VTI1A: variants seen among roughly 807,000 people sequenced by gnomAD.
VTI1A encodes the protein vesicle transport through interaction with t-SNAREs 1A, also known as vesicle transport through interaction with t-SNAREs homolog 1A.
In VTI1A, 22 loss-of-function variants were observed where a neutral mutation model predicts 34.9. That is an observed-to-expected ratio of 0.63 (90% CI 0.45 to 0.90). The LOEUF is 0.90. Among genes scored for constraint, VTI1A ranks in the 40% least tolerant of loss-of-function variants. The pLI, the probability that VTI1A is intolerant of heterozygous loss-of-function variation, is 0.00. For missense variants in VTI1A, 268 were observed against 275.6 expected (o/e 0.97, Z 0.20); for synonymous variants, 87 against 97.3 (o/e 0.89, Z 0.62).
At chr10:112,792,096 A>T (rs1228014222) in intron 7 of VTI1A, among the ~76,000 whole-genome samples, 3 of 152,150 alleles carry the variant, frequency 2.0e-5, no homozygotes, top group Non-Finnish European at 4.4e-5. Context: ...CAACATAGTG[A>T]AATCCCGTCT....
intron 3 of VTI1A, among the ~76,000 whole-genome samples, chr10:112,505,081 C>CAT (rs1849381156): frequency 6.6e-6 from 1 of 151,892 alleles, no homozygotes; most frequent in South Asian, 2.1e-4. Context: ...TTTGTTTAGT[C>CAT]AAACACTAAA....
At chr10:112,800,637 C>G (rs1852845574) in intron 7 of VTI1A, among the ~76,000 whole-genome samples, 1 of 152,076 alleles carries the variant, frequency 6.6e-6, no homozygotes, top group African/African-American at 2.4e-5. Context: ...CCCATTTTAC[C>G]AATAGAGGGA....
intron 7 of VTI1A, among the ~76,000 whole-genome samples, chr10:112,704,805 C>G (rs1849135679): frequency 6.6e-6 from 1 of 151,668 alleles, no homozygotes; most frequent in South Asian, 2.1e-4. Flanking sequence ...AAAAATGATG[C>G]TAGGTCCAGT....
At chr10:112,580,753 G>A (rs867296433) in intron 5 of VTI1A, among the ~76,000 whole-genome samples, 16 of 152,050 alleles carry the variant, frequency 1.1e-4, no homozygotes, top group African/African-American at 3.9e-4. Flanking sequence ...GGAAAAGGGG[G>A]GCATCAGGTG....
chr10:112,569,830 C>T (rs1489211709), intron 5 of VTI1A, among the ~76,000 whole-genome samples: 2 of 152,204 alleles, frequency 1.3e-5, no homozygotes, highest in African/African-American at 4.8e-5. Flanking sequence ...TAAGAAGTAA[C>T]TTCAGGTACT....
At chr10:112,539,919 G>T (rs1850798046) in intron 5 of VTI1A, among the ~76,000 whole-genome samples, 1 of 152,030 alleles carries the variant, frequency 6.6e-6, no homozygotes, top group Non-Finnish European at 1.5e-5. Context: ...AATAGTAAAG[G>T]AATAGAAAAC....
intron 7 of VTI1A, among the ~76,000 whole-genome samples, chr10:112,765,024 T>A (rs1468299335): frequency 6.6e-6 from 1 of 152,194 alleles, no homozygotes; most frequent in African/African-American, 2.4e-5. Context: ...ACAACAGCAA[T>A]GATCCCCATG....
At chr10:112,665,777 G>A (rs955033327) in intron 5 of VTI1A, among the ~76,000 whole-genome samples, 6 of 152,062 alleles carry the variant, frequency 3.9e-5, no homozygotes, top group Non-Finnish European at 7.4e-5. Flanking sequence ...AGAATAGGTC[G>A]CAAACTTTAT....
intron 7 of VTI1A, among the ~76,000 whole-genome samples, chr10:112,724,286 A>G (rs2133945545): frequency 6.6e-6 from 1 of 152,306 alleles, no homozygotes; most frequent in South Asian, 2.1e-4. Context: ...TGAAGAAAAG[A>G]TGTGTGTGGC....
At chr10:112,461,648 A>G (rs1847732658) in intron 2 of VTI1A, among the ~76,000 whole-genome samples, 1 of 152,218 alleles carries the variant, frequency 6.6e-6, no homozygotes, top group Admixed American at 6.5e-5. Context: ...TTGGGGTTTT[A>G]AAAGCTAACT....
intron 7 of VTI1A, among the ~76,000 whole-genome samples, chr10:112,729,817 A>G (rs1219260631): frequency 6.6e-6 from 1 of 152,182 alleles, no homozygotes; most frequent in East Asian, 1.9e-4. Flanking sequence ...ATCTACAAAG[A>G]CAGGGAAAAG....
In VTI1A at chr10:112,453,041, C is replaced by T. The variant is rs1847298820; in HGVS notation, c.94+5574C>T. On this transcript the variant is annotated intron_variant, in intron 1 of 7. Transcript: ENST00000393077. Reference sequence around the variant, plus strand: ...TTTAGTACTCATGGATTTTTAGGCCCCTCATGGCTATGACAGTTTCTCAAA... The same window carrying T: ...TTTAGTACTCATGGATTTTTAGGCCTCTCATGGCTATGACAGTTTCTCAAA... 2.0e-5 allele frequency among the ~76,000 whole-genome samples: 3 copies of T among 152,222 alleles called. No homozygotes were observed. In the East Asian group the frequency reaches 5.8e-4, roughly 29 times the overall value.
At chr10:112,733,926 A>G (rs892823500) in intron 7 of VTI1A, among the ~76,000 whole-genome samples, 5 of 151,686 alleles carry the variant, frequency 3.3e-5, no homozygotes, top group African/African-American at 1.2e-4. Flanking sequence ...CTAATTTTGT[A>G]TTTTTAGTAG....
intron 7 of VTI1A, among the ~76,000 whole-genome samples, chr10:112,780,266 G>T (rs189935725): frequency 7.0e-6 from 1 of 142,204 alleles, no homozygotes; most frequent in South Asian, 2.3e-4. Context: ...GCAAGACCCT[G>T]TCTCTAAAAA....
At chr10:112,828,229 T>G in the VTI1A span, among the ~76,000 whole-genome samples, 1 of 152,122 alleles carries the variant, frequency 6.6e-6, no homozygotes, top group Non-Finnish European at 1.5e-5. Flanking sequence ...TTTTTGTGTA[T>G]GTGCAGAGTC....
At chr10:112,571,139 T>A (rs1342149615) in intron 5 of VTI1A, among the ~76,000 whole-genome samples, 2 of 152,186 alleles carry the variant, frequency 1.3e-5, no homozygotes, top group Admixed American at 6.5e-5. Flanking sequence ...TGAAACTGAG[T>A]GATTAAATGA....
At chr10:112,655,467 C>G (rs971952638) in intron 5 of VTI1A, among the ~76,000 whole-genome samples, 1 of 151,550 alleles carries the variant, frequency 6.6e-6, no homozygotes, top group Non-Finnish European at 1.5e-5. Context: ...GGATTCAGAC[C>G]AAACAAACAT....
At chr10:112,611,256 G>A (rs1365795605) in intron 5 of VTI1A, among the ~76,000 whole-genome samples, 2 of 152,174 alleles carry the variant, frequency 1.3e-5, no homozygotes, top group African/African-American at 4.8e-5. Flanking sequence ...TTGGACCTAG[G>A]TAGAACAGAA....
intron 5 of VTI1A, among the ~76,000 whole-genome samples, chr10:112,610,909 A>T (rs1845282214): frequency 6.6e-6 from 1 of 150,774 alleles, no homozygotes; most frequent in Admixed American, 6.6e-5. Context: ...ACAGAGCGAG[A>T]CTCCATCTCA....
Sources: gnomAD v4.1 joint callset for allele counts (sites outside exome capture counted in the v4.1 genomes callset) on GRCh38, gnomAD v4.1.1 for gene constraint, MANE v1.5 for transcripts, NCBI Gene and HGNC (gene_info 2026-07-23, HGNC 2026-07-21) for gene names.